ITGBL1: variants seen among roughly 807,000 people sequenced by gnomAD.
ITGBL1 encodes integrin subunit beta like 1.
A neutral mutation model predicts 68.5 loss-of-function variants in ITGBL1; 51 were observed. That is an observed-to-expected ratio of 0.74 (90% CI 0.59 to 0.94). ITGBL1 has a LOEUF of 0.94. Among genes scored for constraint, ITGBL1 ranks in the 40% least tolerant of loss-of-function variants. The pLI, the probability that ITGBL1 is intolerant of heterozygous loss-of-function variation, is 0.00. For missense variants in ITGBL1, 649 were observed against 647.4 expected, an observed-to-expected ratio of 1.00 and a Z score of -0.03; for synonymous variants, 209 against 227.3, an observed-to-expected ratio of 0.92 and a Z score of 0.72.
At chr13:101,509,194 G>A (rs2049074889) in intron 2 of ITGBL1, among the ~76,000 whole-genome samples, 1 of 152,076 alleles carries the variant, frequency 6.6e-6, no homozygotes, top group Non-Finnish European at 1.5e-5. Context: ...GGCAGGCAAA[G>A]AGAGTTGTTC....
At chr13:101,509,294 C>G (rs879423773) in intron 2 of ITGBL1, among the ~76,000 whole-genome samples, 2 of 152,072 alleles carry the variant, frequency 1.3e-5, no homozygotes, top group Non-Finnish European at 2.9e-5. Flanking sequence ...CCCCATAATT[C>G]AATCACCTCT....
chr13:101,606,174 T>TATATATATATATATATATATATATATATA (rs1555361917), intron 7 of ITGBL1, among the ~76,000 whole-genome samples: 1 of 138,044 alleles, frequency 7.2e-6, no homozygotes, highest in African/African-American at 2.7e-5. Flanking sequence ...ATTAGGATTT[T>TATATATATATATATATATATATATATATA]TATATATATA....
intron 8 of ITGBL1, 127 bp from the exon 9 acceptor site, chr13:101,706,629 A>C (rs2034268789): frequency 1.2e-6 from 1 of 866,308 alleles, no homozygotes; most frequent in Admixed American, 3.1e-5. Context: ...CAAATTGACT[A>C]TGCATAAAGA....
At chr13:101,707,789 G>T (rs1228249172) in intron 9 of ITGBL1, among the ~76,000 whole-genome samples, 2 of 151,112 alleles carry the variant, frequency 1.3e-5, no homozygotes, top group Non-Finnish European at 2.9e-5. Flanking sequence ...GGACGTGGAG[G>T]TCGCAGTAAA....
intron 2 of ITGBL1, among the ~76,000 whole-genome samples, chr13:101,510,851 A>T (rs2210794): frequency 0.77 from 117,692 of 151,916 alleles, 45,943 homozygotes; most frequent in African/African-American, 0.88. Context: ...TATTTGTTTT[A>T]TGCTTGTTAA....
At chr13:101,492,740 G>A (rs1443962588) in intron 2 of ITGBL1, among the ~76,000 whole-genome samples, 1 of 152,144 alleles carries the variant, frequency 6.6e-6, no homozygotes, top group Non-Finnish European at 1.5e-5. Flanking sequence ...TCAGCTGTTG[G>A]TGGAATAAAT....
chr13:101,597,602 A>G lies in ITGBL1; in HGVS notation c.869-551A>G, dbSNP rs577325838. Among the ~76,000 whole-genome samples, 34 of 151,060 alleles carry G rather than the reference A, an allele frequency of 2.3e-4. 1 individual carries two copies. The South Asian group carries it at 6.9e-3, about 31-fold the overall frequency. The stretch of plus-strand genomic sequence containing the variant: ...AGTCTCCCTCTGTCGCTCAGGCTGG[A>G]GTGCAGTGGCATGAACTTGGCTTGC... On this transcript the variant is annotated intron_variant, in intron 6 of 10. Coordinates refer to ENST00000376180, the MANE Select transcript of ITGBL1 (RefSeq NM_004791.3).
chr13:101,685,026 C>T (rs2033724494), intron 7 of ITGBL1, among the ~76,000 whole-genome samples: 1 of 151,932 alleles, frequency 6.6e-6, no homozygotes, highest in African/African-American at 2.4e-5. Flanking sequence ...CATTTCTCCA[C>T]TTATTTTCCA....
chr13:101,679,250 C>T (rs2033583390), intron 7 of ITGBL1, among the ~76,000 whole-genome samples: 1 of 152,190 alleles, frequency 6.6e-6, no homozygotes, highest in South Asian at 2.1e-4. Context: ...ATATCAACGA[C>T]AACACTTTCT....
intron 2 of ITGBL1, among the ~76,000 whole-genome samples, chr13:101,541,196 T>C (rs2049692551): frequency 1.3e-5 from 2 of 150,590 alleles, no homozygotes; most frequent in South Asian, 4.3e-4. Context: ...GGGTTTGTCA[T>C]AGATAGCTCT....
chr13:101,524,045 GACAGAACC>G (rs573708023), intron 2 of ITGBL1, among the ~76,000 whole-genome samples: 104 of 152,178 alleles, frequency 6.8e-4, no homozygotes, highest in African/African-American at 2.4e-3. Flanking sequence ...AAAGAGAGGT[GACAGAACC>G]ATTTTTACTG....
chr13:101,699,008 G>A lies in ITGBL1; in HGVS notation c.1132+6307G>A, dbSNP rs533736679. Among the ~76,000 whole-genome samples the A allele has an allele frequency of 1.4e-4, 21 of 152,210 alleles. 1 individual carries two copies. The highest frequency in any genetic ancestry group is 4.6e-4 in the Admixed American group (7 of 15,294). ...TCTTCAGGGAGTTCTCTAGTTCATC[G>A]CTGCAATTTGAAGGAGATCATGCCG... On this transcript the variant is annotated intron_variant, in intron 8 of 10. Transcript: ENST00000376180.
At chr13:101,479,325 T>G (rs999746122) in intron 2 of ITGBL1, among the ~76,000 whole-genome samples, 2 of 152,120 alleles carry the variant, frequency 1.3e-5, no homozygotes, top group Admixed American at 6.6e-5. Context: ...TATTAAAGAC[T>G]TAAATCTAAG....
At chr13:101,497,963 G>A (rs1018495031) in intron 2 of ITGBL1, among the ~76,000 whole-genome samples, 16 of 151,768 alleles carry the variant, frequency 1.1e-4, no homozygotes, top group Non-Finnish European at 1.5e-4. Context: ...AGTTCCAGCC[G>A]AGGTTGGGGG....
intron 6 of ITGBL1, among the ~76,000 whole-genome samples, chr13:101,595,768 A>G (rs1285916248): frequency 1.3e-5 from 2 of 152,198 alleles, no homozygotes; most frequent in African/African-American, 4.8e-5. Context: ...TGATACAGCC[A>G]TTATGGACGA....
intron 2 of ITGBL1, among the ~76,000 whole-genome samples, chr13:101,487,668 C>T (rs904070607): frequency 2.6e-5 from 4 of 152,108 alleles, no homozygotes; most frequent in Non-Finnish European, 5.9e-5. Flanking sequence ...AAGTGCATTC[C>T]GTAGATGTGC....
intron 2 of ITGBL1, among the ~76,000 whole-genome samples, chr13:101,513,846 A>G (rs1013589362): frequency 1.3e-5 from 2 of 152,138 alleles, no homozygotes; most frequent in Non-Finnish European, 2.9e-5. Flanking sequence ...GTGATCTTGG[A>G]AAATATCATA....
At chr13:101,631,566 T>G (rs1358523464) in intron 7 of ITGBL1, among the ~76,000 whole-genome samples, 1 of 152,110 alleles carries the variant, frequency 6.6e-6, no homozygotes, top group Non-Finnish European at 1.5e-5. Flanking sequence ...ATGTTGAAAT[T>G]TTGCAAGGGA....
chr13:101,597,454 A>G (rs554207829), intron 6 of ITGBL1, among the ~76,000 whole-genome samples: 2 of 150,360 alleles, frequency 1.3e-5, no homozygotes, highest in South Asian at 4.2e-4. Flanking sequence ...CTGCTTCAAA[A>G]ATACAGTTAG....
Sources: gnomAD v4.1 joint callset for allele counts (sites outside exome capture counted in the v4.1 genomes callset) on GRCh38, gnomAD v4.1.1 for gene constraint, MANE v1.5 for transcripts, NCBI Gene and HGNC (gene_info 2026-07-23, HGNC 2026-07-21) for gene names.